TDRD3: variants seen among roughly 807,000 people sequenced by gnomAD.
The protein encoded by TDRD3 is tudor domain-containing protein 3.
TDRD3 carries 45 observed loss-of-function variants against 86.7 expected under a neutral mutation model. The observed-to-expected ratio is 0.52, with a 90% confidence interval of 0.41 to 0.67. The LOEUF is 0.67. TDRD3 is among the 30% of genes least tolerant of loss of function. The pLI is 0.00. For synonymous variants in TDRD3, 298 were observed against 301.7 expected (o/e 0.99, Z 0.13); for missense variants, 814 against 889.0 (o/e 0.92, Z 1.07).
At chr13:60,402,569 T>C (rs1459441227) in intron 1 of TDRD3, among the ~76,000 whole-genome samples, 1 of 152,168 alleles carries the variant, frequency 6.6e-6, no homozygotes, top group African/African-American at 2.4e-5. Flanking sequence ...CTTCATGGCC[T>C]TTAAAGTAAG....
At chr13:60,483,934 C>T in intron 6 of TDRD3, 88 bp downstream of exon 6, 1 of 1,278,650 alleles carries the variant, frequency 7.8e-7, no homozygotes, top group Non-Finnish European at 1.1e-6. Flanking sequence ...ATGTGCTGAA[C>T]TATTAAGAGG....
intron 6 of TDRD3, among the ~76,000 whole-genome samples, chr13:60,485,100 AT>A (rs1389032062): frequency 2.2e-4 from 34 of 152,000 alleles, no homozygotes; most frequent in Non-Finnish European, 4.4e-5. Context: ...TCAATATGAT[AT>A]GTTTATATTA....
intron 12 of TDRD3, among the ~76,000 whole-genome samples, chr13:60,540,753 T>G (rs1957791480): frequency 6.6e-6 from 1 of 152,162 alleles, no homozygotes; most frequent in Admixed American, 6.5e-5. Context: ...AATAACATAT[T>G]ATAATCTATT....
chr13:60,532,952 T>C (rs997890903), intron 11 of TDRD3, among the ~76,000 whole-genome samples: 1 of 152,156 alleles, frequency 6.6e-6, no homozygotes, highest in Non-Finnish European at 1.5e-5. Context: ...CATCATAAGT[T>C]GAAAATATCA....
chr13:60,412,851 T>TA (rs1566172783), intron 1 of TDRD3, among the ~76,000 whole-genome samples: 1 of 152,156 alleles, frequency 6.6e-6, no homozygotes, highest in Non-Finnish European at 1.5e-5. Flanking sequence ...TCATTATTCT[T>TA]AAACATTTGC....
intron 3 of TDRD3, among the ~76,000 whole-genome samples, chr13:60,445,411 G>C (rs1419957537): frequency 2.0e-5 from 3 of 152,126 alleles, no homozygotes; most frequent in African/African-American, 7.2e-5. Context: ...TTTTGCTAAA[G>C]CCATCTATCT....
chr13:60,402,845 C>T (rs796229274), intron 1 of TDRD3, among the ~76,000 whole-genome samples: 12 of 152,158 alleles, frequency 7.9e-5, no homozygotes, highest in African/African-American at 1.7e-4. Flanking sequence ...TGCGCCACCA[C>T]GCCTGGCTAG....
chr13:60,426,115 C>T (rs536874511), intron 1 of TDRD3, among the ~76,000 whole-genome samples: 14 of 152,072 alleles, frequency 9.2e-5, no homozygotes, highest in Non-Finnish European at 1.5e-4. Context: ...GAGATCCTGC[C>T]GTTTCTCACC....
chr13:60,395,981 C>G (rs1221521238), upstream of TDRD3, among the ~76,000 whole-genome samples: 2 of 152,196 alleles, frequency 1.3e-5, no homozygotes, highest in African/African-American at 2.4e-5. Context: ...ATAACTATGA[C>G]TTTTGGGAAG....
chr13:60,462,115 G>A (rs544285881), intron 4 of TDRD3, among the ~76,000 whole-genome samples: 2 of 152,308 alleles, frequency 1.3e-5, no homozygotes, highest in Non-Finnish European at 2.9e-5. Flanking sequence ...TTGACATTGT[G>A]ATTATATTCT....
At chr13:60,428,278 TAA>T (rs1171309421) in intron 1 of TDRD3, among the ~76,000 whole-genome samples, 1 of 151,386 alleles carries the variant, frequency 6.6e-6, no homozygotes. Context: ...ATTACTTCTG[TAA>T]AGACTGTCTC....
rs541907423 is a variant in TDRD3 at position 60,555,176 on chromosome 13, T to C, written c.2119-12349T>C. On this transcript the variant is annotated intron_variant, in intron 12 of 13. Transcript: ENST00000377881. ...TTTAAAAGAGAGCTAATTACTAATA[T>C]GTTGAACCTTTTGAAATCTCAATGT... Among the ~76,000 whole-genome samples the C allele has an allele frequency of 3.3e-5, 5 of 152,324 alleles. No individual in the cohort carries two copies. In the South Asian group the frequency reaches 6.2e-4, roughly 19 times the overall value.
intron 12 of TDRD3, among the ~76,000 whole-genome samples, chr13:60,551,195 G>A (rs1958044582): frequency 6.6e-6 from 1 of 152,186 alleles, no homozygotes; most frequent in South Asian, 2.1e-4. Flanking sequence ...TATGTGGAAA[G>A]AGCATGAATT....
At chr13:60,402,257 TC>T (rs1566165265) in intron 1 of TDRD3, among the ~76,000 whole-genome samples, 1 of 152,184 alleles carries the variant, frequency 6.6e-6, no homozygotes, top group African/African-American at 2.4e-5. Context: ...ACACCTTTTT[TC>T]CAGGAGATTG....
rs113713608 is a variant in TDRD3 at position 60,493,402 on chromosome 13, C to G, written c.718-1033C>G. On this transcript the variant is annotated intron_variant, in intron 7 of 13. Coordinates refer to ENST00000377881, the MANE Select transcript of TDRD3 (RefSeq NM_001146070.2). The stretch of plus-strand genomic sequence containing the variant: ...ATTTGCCAGGCATGGTGGCTCATGC[C>G]TGTAACTTCAGCACTTTGGGAGGGC... 3.4e-3 allele frequency among the ~76,000 whole-genome samples: 511 copies of G among 152,158 alleles called. 4 individuals are homozygous for G. Among genetic ancestry groups the G allele is most frequent in the African/African-American group, 0.012 (487 of 41,508 alleles).
chr13:60,540,133 G>A (rs997461487), intron 12 of TDRD3, among the ~76,000 whole-genome samples: 2 of 152,012 alleles, frequency 1.3e-5, no homozygotes, highest in East Asian at 3.9e-4. Flanking sequence ...CATACTTACT[G>A]GTTCAGGTCA....
intron 12 of TDRD3, among the ~76,000 whole-genome samples, chr13:60,550,759 C>G (rs1046026333): frequency 8.6e-5 from 13 of 152,040 alleles, no homozygotes; most frequent in African/African-American, 2.4e-5. Flanking sequence ...TTGCTTGACT[C>G]AAACCAGTAA....
At chr13:60,510,809 T>C in intron 10 of TDRD3, 54 bp downstream of exon 10, 2 of 1,463,620 alleles carry the variant, frequency 1.4e-6, no homozygotes, top group South Asian at 1.5e-5. Context: ...TTTCTTTTTT[T>C]TTTTTTTTAG....
intron 3 of TDRD3, among the ~76,000 whole-genome samples, chr13:60,455,961 T>G (rs543481935): frequency 6.7e-6 from 1 of 149,596 alleles, no homozygotes; most frequent in African/African-American, 2.5e-5. Context: ...TCCCAGCTAC[T>G]AGGGAGGCTG....
Sources: gnomAD v4.1 joint callset for allele counts (sites outside exome capture counted in the v4.1 genomes callset) on GRCh38, gnomAD v4.1.1 for gene constraint, MANE v1.5 for transcripts, NCBI Gene and HGNC (gene_info 2026-07-23, HGNC 2026-07-21) for gene names.